Variants in GOLGA4 observed in about 807,000 individuals in gnomAD.
GOLGA4 encodes the protein golgin subfamily A member 4.
Under a neutral mutation model 265.9 loss-of-function variants are expected in GOLGA4, and 169 were observed. The ratio of observed to expected loss-of-function variants is 0.64; its 90% CI spans 0.56 to 0.72. GOLGA4 has a LOEUF of 0.72. GOLGA4 is among the 30% of genes least tolerant of loss of function. The pLI is 0.00. For synonymous variants in GOLGA4, 923 were observed against 855.8 expected (o/e 1.08, Z -1.37); for missense variants, 2,482 against 2,483.4 (o/e 1.00, Z 0.01).
chr3:37,321,664 G>C, intron 12 of GOLGA4, 67 bp from the exon 13 acceptor site: 1 of 1,368,892 alleles, frequency 7.3e-7, no homozygotes, highest in Non-Finnish European at 1.0e-6. Context: ...ATGATTCCTG[G>C]GGAAGTACTT....
At position 37,315,437 on chromosome 3, in the gene GOLGA4, A is replaced by G; in HGVS notation, c.1252A>G (p.Lys418Glu). ...CATTATAGCTTTTGAGGAACTTGAAAAAGCTTTGAGTACAGCCCAAAAAAC... is the reference window on the plus strand; with the variant it reads ...CATTATAGCTTTTGAGGAACTTGAAGAAGCTTTGAGTACAGCCCAAAAAAC... Reference protein sequence around the residue: ...SERAAFEELEKALSTAQKTEE... With the variant: ...SERAAFEELEEALSTAQKTEE... Residue 418 changes from lysine (K) to glutamate (E), a missense_variant, in exon 11 of 24, where the codon AAA (lysine) becomes GAA (glutamate). This residue lies in a region of GOLGA4 where 1,536 missense variants were observed against 1,483.7 expected (regional missense o/e 1.04). Coordinates refer to ENST00000361924, the MANE Select transcript of GOLGA4 (RefSeq NM_002078.5). 6.2e-7 allele frequency: 1 copy of G among 1,611,160 alleles called. No homozygotes were observed. The highest frequency in any genetic ancestry group is 1.3e-5 in the African/African-American group (1 of 74,674).
intron 19 of GOLGA4, 71 bp from the exon 20 acceptor site, chr3:37,340,053 A>G (rs1211830460): frequency 2.9e-6 from 2 of 679,926 alleles, no homozygotes; most frequent in Admixed American, 2.5e-5. Context: ...TTGTGGTGAC[A>G]GCAATCTTTC....
intron 20 of GOLGA4, among the ~76,000 whole-genome samples, chr3:37,344,089 G>A (rs1309443400): frequency 6.6e-6 from 1 of 152,176 alleles, no homozygotes; most frequent in Non-Finnish European, 1.5e-5. Flanking sequence ...GATAAATTCT[G>A]TCTGTTTACC....
chr3:37,324,517 G>A lies in GOLGA4; in HGVS notation c.2631G>A (p.Met877Ile). 1 of 1,613,648 alleles carries A rather than the reference G, an allele frequency of 6.2e-7. No homozygotes were observed. Among genetic ancestry groups the A allele is most frequent in the South Asian group, 1.1e-5 (1 of 91,024 alleles). The change falls in exon 14 of 24, where the codon ATG becomes ATA. Residue 877 changes from methionine (M) to isoleucine (I), a missense_variant. Transcript: ENST00000361924. Reference sequence around the variant, plus strand: ...AACTTGAAAAACAAAATAGTGAAATGGAGCAAAAAGTAAAATCTTTAACCC... The same window carrying A: ...AACTTGAAAAACAAAATAGTGAAATAGAGCAAAAAGTAAAATCTTTAACCC... ...MQQLEKQNSE[M>I]EQKVKSLTQV...
At chr3:37,294,129 A>G (rs1318604660) in intron 5 of GOLGA4, among the ~76,000 whole-genome samples, 1 of 152,208 alleles carries the variant, frequency 6.6e-6, no homozygotes, top group Non-Finnish European at 1.5e-5. Context: ...GCAGAGAGAC[A>G]AAAATCAATG....
At chr3:37,258,857 T>A (rs915157667) in intron 2 of GOLGA4, among the ~76,000 whole-genome samples, 8 of 152,198 alleles carry the variant, frequency 5.3e-5, no homozygotes, top group Admixed American at 2.6e-4. Context: ...TTGTATATAA[T>A]CTTTTTTATA....
At chr3:37,329,198 G>GTTT in intron 16 of GOLGA4, 105 bp downstream of exon 16, 2 of 698,610 alleles carry the variant, frequency 2.9e-6, no homozygotes, top group Non-Finnish European at 4.3e-6. Flanking sequence ...AACGAAAAGG[G>GTTT]TTTTTTTTTT....
intron 6 of GOLGA4, among the ~76,000 whole-genome samples, chr3:37,295,323 A>G (rs1439889329): frequency 6.6e-6 from 1 of 152,142 alleles, no homozygotes; most frequent in Admixed American, 6.5e-5. Context: ...GGCTCTAGCA[A>G]TCCTCCAGCC....
chr3:37,340,488 G>T (rs924013448), intron 20 of GOLGA4, among the ~76,000 whole-genome samples: 1 of 152,082 alleles, frequency 6.6e-6, no homozygotes, highest in African/African-American at 2.4e-5. Flanking sequence ...CAGTTTTCAA[G>T]AATACAATAA....
Position 37,275,672 on chromosome 3 carries a change from C to T in GOLGA4, c.163-6286C>T, listed in dbSNP as rs141045079. 3,138 of 1,611,580 alleles carry T rather than the reference C, an allele frequency of 1.9e-3. 59 individuals are homozygous for T. In the African/African-American group the frequency reaches 0.034, roughly 18 times the overall value. On this transcript the variant is annotated intron_variant, in intron 2 of 23. Transcript: ENST00000361924. ...CTTCCCCTTGCCAGCGGGGTGGGCG[C>T]GGAGAAGACCTGCCGGAGCCATGGA...
At chr3:37,315,855 C>T (rs941434838) in intron 11 of GOLGA4, among the ~76,000 whole-genome samples, 11 of 152,230 alleles carry the variant, frequency 7.2e-5, no homozygotes, top group Admixed American at 4.6e-4. Flanking sequence ...TGTGGCTCCC[C>T]GACTCTTAGG....
At chr3:37,251,367 T>C in intron 1 of GOLGA4, 28 bp from the exon 2 acceptor site, 1 of 1,419,828 alleles carries the variant, frequency 7.0e-7, no homozygotes, top group Non-Finnish European at 1.0e-6. Context: ...ATAGTCTTGC[T>C]AATTTGTGCA....
chr3:37,289,430 G>T, intron 5 of GOLGA4, 139 bp downstream of exon 5: 1 of 537,086 alleles, frequency 1.9e-6, no homozygotes, highest in Non-Finnish European at 3.4e-6. Flanking sequence ...AAGACCAGGG[G>T]TCAGTTCTTG....
intron 21 of GOLGA4, among the ~76,000 whole-genome samples, chr3:37,350,789 C>G (rs560079854): frequency 6.6e-6 from 1 of 152,054 alleles, no homozygotes; most frequent in East Asian, 1.9e-4. Flanking sequence ...ATTAAGTGTT[C>G]AATAGGCATT....
chr3:37,259,722 A>G (rs1016989605), intron 2 of GOLGA4, among the ~76,000 whole-genome samples: 1 of 152,156 alleles, frequency 6.6e-6, no homozygotes, highest in Non-Finnish European at 1.5e-5. Context: ...GAGTTCATGG[A>G]CTTCGCAAAA....
intron 2 of GOLGA4, among the ~76,000 whole-genome samples, chr3:37,266,355 A>G (rs2096783739): frequency 6.6e-6 from 1 of 151,996 alleles, no homozygotes; most frequent in African/African-American, 2.4e-5. Flanking sequence ...GCGCACCACT[A>G]TGCCTGGCTA....
chr3:37,294,868 C>G (rs2150834955), intron 5 of GOLGA4, 111 bp from the exon 6 acceptor site: 1 of 604,626 alleles, frequency 1.7e-6, no homozygotes, highest in South Asian at 2.4e-5. Context: ...ATTATTGTTG[C>G]TGATACCTTA....
In GOLGA4 at chr3:37,327,354, AT is replaced by A; in HGVS notation, c.5469del (p.Asn1823LysfsTer25). The A allele has an allele frequency of 6.2e-7, 1 of 1,613,944 alleles. No individual in the cohort carries two copies. The highest frequency in any genetic ancestry group is 8.5e-7 in the Non-Finnish European group (1 of 1,179,848). Reference sequence around the variant, plus strand: ...CATGTGGAAAAAGAAGGAGGTAAAAATAACATACAGGCAAAGCAAAACTTGG... The same window carrying A: ...CATGTGGAAAAAGAAGGAGGTAAAAAAACATACAGGCAAAGCAAAACTTGG... ...AQHVEKEGGK[N>X]NIQAKQNLEN... On this transcript the variant is annotated frameshift_variant, in exon 14 of 24. Coordinates refer to ENST00000361924, the MANE Select transcript of GOLGA4 (RefSeq NM_002078.5). LOFTEE classifies it high-confidence loss of function.
At chr3:37,260,722 G>A (rs1237456699) in intron 2 of GOLGA4, among the ~76,000 whole-genome samples, 1 of 151,936 alleles carries the variant, frequency 6.6e-6, no homozygotes, top group Non-Finnish European at 1.5e-5. Flanking sequence ...TTTTTGCTAA[G>A]GCACTAAACT....
Sources: allele counts gnomAD v4.1 joint callset (sites outside exome capture counted in the v4.1 genomes callset), GRCh38; gene constraint gnomAD v4.1.1; regional missense constraint gnomAD v4.1.1; transcripts MANE v1.5; gene names NCBI Gene and HGNC (gene_info 2026-07-23, HGNC 2026-07-21).